The following SEMA6A variants were observed in gnomAD, a reference collection of about 807,000 sequenced individuals.
The protein encoded by SEMA6A is semaphorin 6A.
Under a neutral mutation model 96.8 loss-of-function variants are expected in SEMA6A, and 25 were observed. The observed-to-expected ratio is 0.26, with a 90% CI of 0.19 to 0.36. SEMA6A has a LOEUF of 0.36. Among genes scored for constraint, SEMA6A ranks in the 10% least tolerant of loss-of-function variants. The pLI, the probability that SEMA6A is intolerant of heterozygous loss-of-function variation, is 1.00. For synonymous variants in SEMA6A, 612 were observed against 518.0 expected (o/e 1.18, Z -2.46); for missense variants, 1,363 against 1,323.1 (o/e 1.03, Z -0.47).
intron 1 of SEMA6A, among the ~76,000 whole-genome samples, chr5:116,573,067 C>A (rs1215689716): frequency 1.3e-5 from 2 of 151,548 alleles, no homozygotes; most frequent in Admixed American, 6.6e-5. Flanking sequence ...ACCTCAGGAT[C>A]CTGTTTTGCA....
chr5:116,534,863 G>A (rs1759641096), intron 1 of SEMA6A, among the ~76,000 whole-genome samples: 2 of 149,420 alleles, frequency 1.3e-5, no homozygotes, highest in African/African-American at 4.8e-5. Context: ...CTTTTCTGCA[G>A]AAGGACTGTC....
chr5:116,528,598 C>T (rs1759331403), intron 1 of SEMA6A, among the ~76,000 whole-genome samples: 1 of 152,236 alleles, frequency 6.6e-6, no homozygotes, highest in Non-Finnish European at 1.5e-5. Flanking sequence ...TTCTGCAGCC[C>T]TGCATCCTAT....
At chr5:116,450,391 C>G (rs1754548133) in intron 18 of SEMA6A, among the ~76,000 whole-genome samples, 1 of 152,166 alleles carries the variant, frequency 6.6e-6, no homozygotes, top group Admixed American at 6.5e-5. Flanking sequence ...TGGCATTCTA[C>G]AATTTAAACT....
chr5:116,542,404 C>T (rs1214341790), intron 1 of SEMA6A, among the ~76,000 whole-genome samples: 1 of 152,174 alleles, frequency 6.6e-6, no homozygotes, highest in East Asian at 1.9e-4. Flanking sequence ...AGATCCCTCC[C>T]CGACCTTTTA....
chr5:116,463,386 CTA>C (rs1402323382), intron 18 of SEMA6A, among the ~76,000 whole-genome samples: 3 of 152,180 alleles, frequency 2.0e-5, no homozygotes, highest in Non-Finnish European at 2.9e-5. Flanking sequence ...AAATAATTAA[CTA>C]TAAAGAGAAT....
At chr5:116,553,682 A>C (rs1260174117) in intron 1 of SEMA6A, among the ~76,000 whole-genome samples, 2 of 152,140 alleles carry the variant, frequency 1.3e-5, no homozygotes, top group Non-Finnish European at 2.9e-5. Context: ...TAGCTCCTTT[A>C]GTCAGAGCAG....
chr5:116,536,956 C>T (rs1192197391), intron 1 of SEMA6A, among the ~76,000 whole-genome samples: 4 of 143,842 alleles, frequency 2.8e-5, no homozygotes, highest in Non-Finnish European at 6.0e-5. Context: ...AAGTTCAAGA[C>T]TCATGGGCTA....
Position 116,476,152 on chromosome 5 carries a change from C to T in SEMA6A, c.1650-549G>A, listed in dbSNP as rs1251188255. Reference sequence around the variant, plus strand: ...GCTTGGTTATTTGTTCACTCCCAGCCCTGCCCCAGTCCTTGGGAGTATTAC... The same window carrying T: ...GCTTGGTTATTTGTTCACTCCCAGCTCTGCCCCAGTCCTTGGGAGTATTAC... On this transcript the variant is annotated intron_variant, in intron 15 of 18. Coordinates refer to ENST00000343348, the MANE Select transcript of SEMA6A (RefSeq NM_020796.5). 2.6e-5 allele frequency among the ~76,000 whole-genome samples: 4 copies of T among 152,214 alleles called. No individual in the cohort carries two copies. In the East Asian group the frequency reaches 7.7e-4, roughly 29 times the overall value.
At chr5:116,456,929 GAGAAA>G (rs781233795) in intron 18 of SEMA6A, among the ~76,000 whole-genome samples, 2 of 152,048 alleles carry the variant, frequency 1.3e-5, no homozygotes, top group Middle Eastern at 6.3e-3. Flanking sequence ...GACTAGACGA[GAGAAA>G]AGAAACTCAC....
intron 16 of SEMA6A, among the ~76,000 whole-genome samples, chr5:116,474,214 TA>T (rs1182480476): frequency 6.6e-6 from 1 of 151,964 alleles, no homozygotes; most frequent in African/African-American, 2.4e-5. Context: ...GCAAGTAATA[TA>T]AATATGATGA....
At chr5:116,467,880 T>TTAGTGG in intron 17 of SEMA6A, 133 bp from the exon 18 acceptor site, 1 of 731,048 alleles carries the variant, frequency 1.4e-6, no homozygotes, top group Non-Finnish European at 2.1e-6. Context: ...ATGACACGGC[T>TTAGTGG]TAGTGGTGGT....
rs538169368 is a variant in SEMA6A, at chr5:116,444,977, C to T, written c.*1636G>A. On this transcript the variant is annotated 3_prime_UTR_variant, in exon 19 of 19. Coordinates refer to ENST00000343348, the MANE Select transcript of SEMA6A (RefSeq NM_020796.5). ...CCGTATTGAAATAATCTAAGGGAAG[C>T]AGGGAGCTCTTGAGGATGAAAGGGG... The T allele has an allele frequency of 1.3e-3, 202 of 152,816 alleles. 1 individual carries two copies. Among genetic ancestry groups the T allele is most frequent in the Non-Finnish European group, 2.3e-3 (159 of 68,054 alleles). The allele number at this position is 152,816 out of a possible 1,614,324, so 9.5% of individuals were successfully genotyped here.
intron 18 of SEMA6A, among the ~76,000 whole-genome samples, 198 bp from the exon 19 acceptor site, chr5:116,448,009 C>T (rs911744486): frequency 6.6e-6 from 1 of 151,982 alleles, no homozygotes; most frequent in Non-Finnish European, 1.5e-5. Context: ...TGTAAATGGA[C>T]TCCATTTGTA....
intron 1 of SEMA6A, among the ~76,000 whole-genome samples, chr5:116,506,337 G>C (rs1215499653): frequency 6.6e-6 from 1 of 152,198 alleles, no homozygotes; most frequent in East Asian, 1.9e-4. Flanking sequence ...CAAAGAGGGA[G>C]ACAGATTGAG....
chr5:116,473,052 TGA>T lies in SEMA6A; in HGVS notation c.1729+19_1729+20del, dbSNP rs1756245792. 1.9e-6 allele frequency: 3 copies of T among 1,586,974 alleles called. No individual in the cohort carries two copies. Among genetic ancestry groups the T allele is most frequent in the Non-Finnish European group, 8.6e-7 (1 of 1,164,946 alleles). On this transcript the variant is annotated intron_variant, in intron 17 of 18. Coordinates refer to ENST00000343348, the MANE Select transcript of SEMA6A (RefSeq NM_020796.5). ...ATAGGTTTCCACCAGTATGGAATTATGAGAGTAATATCTTCCTTACCATTCAG... is the reference window on the plus strand; with the variant it reads ...ATAGGTTTCCACCAGTATGGAATTATGAGTAATATCTTCCTTACCATTCAG...
chr5:116,517,822 G>A (rs1322200629), intron 1 of SEMA6A, among the ~76,000 whole-genome samples: 1 of 152,122 alleles, frequency 6.6e-6, no homozygotes, highest in Non-Finnish European at 1.5e-5. Flanking sequence ...CAACTACAAG[G>A]GAGTCAGCAC....
At chr5:116,472,889 C>T (rs1756236345) in intron 17 of SEMA6A, 184 bp downstream of exon 17, 2 of 1,501,658 alleles carry the variant, frequency 1.3e-6, no homozygotes, top group South Asian at 1.3e-5. Flanking sequence ...ACTGACCATA[C>T]ACTGTGTTGT....
chr5:116,573,205 A>G (rs1441039231), intron 1 of SEMA6A, among the ~76,000 whole-genome samples: 1 of 152,180 alleles, frequency 6.6e-6, no homozygotes, highest in African/African-American at 2.4e-5. Context: ...CATTGCCCCC[A>G]TGGTAGCGCC....
rs1350496136 is a variant in SEMA6A at position 116,457,748 on chromosome 5, C to A, written c.1894+9835G>T. Among the ~76,000 whole-genome samples the A allele has an allele frequency of 2.6e-5, 4 of 152,136 alleles. No homozygotes were observed. The East Asian group carries it at 5.8e-4, about 22-fold the overall frequency. On this transcript the variant is annotated intron_variant, in intron 18 of 18. Coordinates refer to ENST00000343348, the MANE Select transcript of SEMA6A (RefSeq NM_020796.5). ...GGTAGTATACTTCAGGGCGTTTCCA[C>A]AATTTAAAGTGCTAAGAGATTTACA...
Sources: gnomAD v4.1 joint callset for allele counts (sites outside exome capture counted in the v4.1 genomes callset) on GRCh38, gnomAD v4.1.1 for gene constraint, MANE v1.5 for transcripts, NCBI Gene and HGNC (gene_info 2026-07-23, HGNC 2026-07-21) for gene names.